Variants in PCDHA4 observed in about 807,000 individuals in gnomAD.
The protein encoded by PCDHA4 is protocadherin alpha 4, also known as protocadherin alpha-4.
PCDHA4 carries 49 observed loss-of-function variants against 61.4 expected under a neutral mutation model. The ratio of observed to expected loss-of-function variants is 0.80; its 90% confidence interval spans 0.63 to 1.01. The LOEUF (loss-of-function observed/expected upper bound fraction) is 1.01. Ranked by LOEUF, PCDHA4 falls within the 50% of genes least tolerant of loss-of-function variation. The pLI is 0.00. For missense variants in PCDHA4, 1,254 were observed against 1,235.8 expected (o/e 1.01, Z -0.22); for synonymous variants, 590 against 550.3 (o/e 1.07, Z -1.01).
chr5:140,841,616 A>T (rs2150319486), intron 1 of PCDHA4: 1 of 1,613,946 alleles, frequency 6.2e-7, no homozygotes, highest in Non-Finnish European at 8.5e-7. Flanking sequence ...GTGCGGGCGG[A>T]GCGCGGAGTG....
intron 1 of PCDHA4, chr5:140,927,757 A>G (rs957906084): frequency 3.2e-5 from 51 of 1,614,028 alleles, no homozygotes; most frequent in Admixed American, 1.0e-4. Flanking sequence ...CGTGCACCCT[A>G]AAAGTGGGGA....
chr5:140,854,977 T>TAAA (rs1554147539), intron 1 of PCDHA4, among the ~76,000 whole-genome samples: 1 of 149,962 alleles, frequency 6.7e-6, no homozygotes, highest in Non-Finnish European at 1.5e-5. Flanking sequence ...GAATTATAAT[T>TAAA]AAGATTCTTT....
chr5:140,830,473 T>A (rs2150186969), intron 1 of PCDHA4: 2 of 1,553,368 alleles, frequency 1.3e-6, no homozygotes, highest in African/African-American at 1.4e-5. Flanking sequence ...TAAATGAAGA[T>A]CATGATGCCA....
chr5:140,836,592 C>T (rs1554136107), intron 1 of PCDHA4: 4 of 1,613,726 alleles, frequency 2.5e-6, no homozygotes, highest in Non-Finnish European at 3.4e-6. Flanking sequence ...TTTGGTAAAG[C>T]CCACTCTGGT....
chr5:140,894,819 G>T (rs974558361), intron 1 of PCDHA4, among the ~76,000 whole-genome samples: 6 of 151,474 alleles, frequency 4.0e-5, no homozygotes, highest in African/African-American at 1.2e-4. Context: ...TATCAGATTT[G>T]CCCATAATCC....
intron 1 of PCDHA4, among the ~76,000 whole-genome samples, chr5:140,937,289 G>A (rs1252675615): frequency 6.6e-5 from 10 of 151,862 alleles, no homozygotes; most frequent in African/African-American, 9.7e-5. Flanking sequence ...CACCCGCTTC[G>A]GCCTCCCAAA....
At chr5:140,958,620 T>C (rs1260968586) in intron 1 of PCDHA4, among the ~76,000 whole-genome samples, 1 of 152,132 alleles carries the variant, frequency 6.6e-6, no homozygotes, top group African/African-American at 2.4e-5. Flanking sequence ...CTAGTCCAGC[T>C]TGAGAGTACT....
chr5:141,004,888 G>A lies in PCDHA4; in HGVS notation c.2534-4739G>A, dbSNP rs555046086. ...TTTCTCATCCCTAAAGTGCTATTGT[G>A]TCAGCTCTGCCAGGGTGTAAGGAAA... On this transcript the variant is annotated intron_variant, in intron 3 of 3. Transcript: ENST00000530339. Among the ~76,000 whole-genome samples the A allele has an allele frequency of 2.0e-5, 3 of 152,250 alleles. No individual in the cohort carries two copies. The East Asian group carries it at 5.8e-4, about 29-fold the overall frequency.
intron 1 of PCDHA4, among the ~76,000 whole-genome samples, chr5:140,898,226 G>T (rs2066602879): frequency 6.6e-6 from 1 of 152,262 alleles, no homozygotes; most frequent in African/African-American, 2.4e-5. Flanking sequence ...GGCTTTTGTT[G>T]CCATTGCTTT....
At chr5:140,859,674 A>G (rs1480845911) in intron 1 of PCDHA4, 1 of 154,702 alleles carries the variant, frequency 6.5e-6, no homozygotes. Flanking sequence ...ATAGCTTCAA[A>G]TAAAATTAAA....
At chr5:140,934,508 C>G (rs2089875994) in intron 1 of PCDHA4, among the ~76,000 whole-genome samples, 1 of 152,096 alleles carries the variant, frequency 6.6e-6, no homozygotes, top group African/African-American at 2.4e-5. Flanking sequence ...CCCAAAGGGT[C>G]CATAGACCAC....
At chr5:140,972,228 C>G (rs1295473743) in intron 1 of PCDHA4, among the ~76,000 whole-genome samples, 1 of 151,964 alleles carries the variant, frequency 6.6e-6, no homozygotes, top group Admixed American at 6.5e-5. Flanking sequence ...CAGCCTCGAC[C>G]TTCTGGGCTC....
chr5:140,984,658 A>G (rs1421972508), intron 3 of PCDHA4, among the ~76,000 whole-genome samples: 1 of 152,146 alleles, frequency 6.6e-6, no homozygotes, highest in Non-Finnish European at 1.5e-5. Flanking sequence ...TCCTTCTGGT[A>G]CTTTTAGGTT....
At chr5:140,893,385 G>A (rs2063961874) in intron 1 of PCDHA4, among the ~76,000 whole-genome samples, 1 of 152,138 alleles carries the variant, frequency 6.6e-6, no homozygotes, top group South Asian at 2.1e-4. Flanking sequence ...TGGGACAGTG[G>A]CTCATGCCTG....
chr5:140,870,825 C>A (rs1554164734), intron 1 of PCDHA4: 6 of 1,613,726 alleles, frequency 3.7e-6, no homozygotes, highest in East Asian at 2.2e-5. Flanking sequence ...GCGCGGGAGG[C>A]GCAGTTAACA....
At chr5:140,912,116 C>G (rs2075772929) in intron 1 of PCDHA4, among the ~76,000 whole-genome samples, 1 of 152,188 alleles carries the variant, frequency 6.6e-6, no homozygotes, top group Non-Finnish European at 1.5e-5. Context: ...GGCTGGGAGG[C>G]TAAGTCAGTC....
chr5:140,970,193 G>C (rs1243334467), intron 1 of PCDHA4, among the ~76,000 whole-genome samples: 2 of 152,166 alleles, frequency 1.3e-5, no homozygotes, highest in African/African-American at 4.8e-5. Context: ...ATTGTAAGAG[G>C]ATTTCCCTGA....
chr5:140,858,537 C>T (rs1485044907), intron 1 of PCDHA4: 2 of 1,400,036 alleles, frequency 1.4e-6, no homozygotes, highest in Non-Finnish European at 2.0e-6. Flanking sequence ...TTTTTGTCTA[C>T]ATTCCATTTA....
intron 3 of PCDHA4, among the ~76,000 whole-genome samples, chr5:140,991,295 A>G (rs1215731555): frequency 6.6e-6 from 1 of 152,202 alleles, no homozygotes; most frequent in African/African-American, 2.4e-5. Context: ...TTAACACATT[A>G]CTATTATCTT....
Sources: allele counts gnomAD v4.1 joint callset (sites outside exome capture counted in the v4.1 genomes callset), GRCh38; gene constraint gnomAD v4.1.1; transcripts MANE v1.5; gene names NCBI Gene and HGNC (gene_info 2026-07-23, HGNC 2026-07-21).